CCDC148: variants seen among roughly 807,000 people sequenced by gnomAD.
CCDC148 encodes coiled-coil domain containing 148.
Under a neutral mutation model 85.7 loss-of-function variants are expected in CCDC148, and 89 were observed. That is an observed-to-expected ratio of 1.04 (90% CI 0.87 to 1.24). The LOEUF is 1.24. Among genes scored for constraint, CCDC148 ranks in the 50% most tolerant of loss-of-function variants. The pLI is 0.00. For synonymous variants in CCDC148, 230 were observed against 213.9 expected (o/e 1.08, Z -0.66); for missense variants, 692 against 671.7 (o/e 1.03, Z -0.33).
chr2:158,298,568 T>C (rs980954625), intron 9 of CCDC148, among the ~76,000 whole-genome samples: 6 of 152,200 alleles, frequency 3.9e-5, no homozygotes, highest in African/African-American at 9.6e-5. Flanking sequence ...TTTTTCTTTA[T>C]GTGCTTCAGG....
chr2:158,368,379 C>T (rs1684290355), intron 1 of CCDC148, among the ~76,000 whole-genome samples: 1 of 152,078 alleles, frequency 6.6e-6, no homozygotes, highest in South Asian at 2.1e-4. Flanking sequence ...AAGAAGTATA[C>T]ATCATCCAGG....
intron 11 of CCDC148, among the ~76,000 whole-genome samples, chr2:158,196,241 A>G (rs57861303): frequency 0.013 from 1,915 of 152,282 alleles, 45 homozygotes; most frequent in African/African-American, 0.043. Context: ...GTGTTTTACT[A>G]TTATCTATGC....
At chr2:158,199,470 C>G (rs1574385803) in intron 11 of CCDC148, among the ~76,000 whole-genome samples, 1 of 152,264 alleles carries the variant, frequency 6.6e-6, no homozygotes, top group Non-Finnish European at 1.5e-5. Flanking sequence ...GTCTCAAACT[C>G]CTGACATCAG....
intron 1 of CCDC148, among the ~76,000 whole-genome samples, chr2:158,429,852 C>T (rs1574806804): frequency 6.6e-6 from 1 of 152,114 alleles, no homozygotes; most frequent in Admixed American, 6.6e-5. Context: ...CTCATGATTG[C>T]CATGGCTTTC....
intron 10 of CCDC148, among the ~76,000 whole-genome samples, chr2:158,226,419 A>C (rs1178991420): frequency 2.6e-5 from 4 of 152,204 alleles, no homozygotes. Flanking sequence ...TATTCCAATC[A>C]ATAGAAAAAG....
At chr2:158,279,480 C>A (rs1031317752) in intron 9 of CCDC148, among the ~76,000 whole-genome samples, 3 of 152,096 alleles carry the variant, frequency 2.0e-5, no homozygotes, top group Admixed American at 2.0e-4. Flanking sequence ...GTGAAGAATG[C>A]AGAAGCCTCA....
At chr2:158,390,417 G>A (rs1685255592) in intron 1 of CCDC148, among the ~76,000 whole-genome samples, 1 of 152,152 alleles carries the variant, frequency 6.6e-6, no homozygotes, top group Non-Finnish European at 1.5e-5. Context: ...ATGATGCTGA[G>A]AAAGAACAGA....
chr2:158,365,349 A>C (rs1182701361), intron 1 of CCDC148, among the ~76,000 whole-genome samples: 2 of 152,234 alleles, frequency 1.3e-5, no homozygotes, highest in Non-Finnish European at 2.9e-5. Context: ...ATAAAGACAC[A>C]TGCACACATA....
At chr2:158,422,036 C>G (rs1275398503) in intron 1 of CCDC148, among the ~76,000 whole-genome samples, 1 of 151,998 alleles carries the variant, frequency 6.6e-6, no homozygotes, top group Non-Finnish European at 1.5e-5. Context: ...AAGACTAAAC[C>G]AGGGAGAAGT....
At chr2:158,400,747 A>T (rs1306894465) in intron 1 of CCDC148, among the ~76,000 whole-genome samples, 1 of 152,224 alleles carries the variant, frequency 6.6e-6, no homozygotes, top group Non-Finnish European at 1.5e-5. Context: ...ACAGCAAGAG[A>T]AACCATCATC....
chr2:158,192,711 T>C (rs1466844676), intron 11 of CCDC148, among the ~76,000 whole-genome samples: 2 of 151,916 alleles, frequency 1.3e-5, no homozygotes, highest in East Asian at 3.9e-4. Context: ...CCTGGCTCTC[T>C]CATGGGGCCT....
chr2:158,438,860 C>T lies in CCDC148; in HGVS notation c.25+17555G>A, dbSNP rs1574824389. Among the ~76,000 whole-genome samples, 4 of 151,822 alleles carry T rather than the reference C, an allele frequency of 2.6e-5. No individual in the cohort carries two copies. The South Asian group carries it at 8.3e-4, about 32-fold the overall frequency. On this transcript the variant is annotated intron_variant, in intron 1 of 13. Transcript: ENST00000283233. ...CAAAAGAAGACATTTATGCAGCCAA[C>T]AGACACATGAAAAAATGCTCATCAT...
chr2:158,223,173 C>A (rs565949608), intron 10 of CCDC148, among the ~76,000 whole-genome samples: 1 of 152,180 alleles, frequency 6.6e-6, no homozygotes, highest in African/African-American at 2.4e-5. Flanking sequence ...AGATCATATC[C>A]CTCGCCTGGC....
intron 1 of CCDC148, among the ~76,000 whole-genome samples, chr2:158,372,137 T>C (rs1445347256): frequency 6.6e-6 from 1 of 151,974 alleles, no homozygotes. Context: ...TCTCATGCCC[T>C]TACTCCCTCT....
chr2:158,269,324 A>T (rs1689601619), intron 9 of CCDC148, among the ~76,000 whole-genome samples: 1 of 151,992 alleles, frequency 6.6e-6, no homozygotes, highest in East Asian at 1.9e-4. Flanking sequence ...GCACATGTTC[A>T]TGTACCTGTT....
Position 158,242,633 on chromosome 2 carries a change from GT to G in CCDC148, c.1251+8138del, listed in dbSNP as rs370301211. ...TTCCACATCTGCTACCCACTCTGTA[GT>G]TTTTTTTTTTTTTTCTCCTTCCACC... On this transcript the variant is annotated intron_variant, in intron 10 of 13. Transcript: ENST00000283233. 1.0e-3 allele frequency among the ~76,000 whole-genome samples: 139 copies of G among 139,056 alleles called. 1 individual carries two copies. Among genetic ancestry groups the G allele is most frequent in the Middle Eastern group, 3.7e-3 (1 of 270 alleles). 91.2% of individuals were successfully genotyped at this position (139,056 alleles called of 152,430 possible).
chr2:158,393,295 A>C (rs1685392496), intron 1 of CCDC148: 2 of 152,134 alleles, frequency 1.3e-5, no homozygotes, highest in Admixed American at 6.6e-5. Flanking sequence ...TGTACTCTAC[A>C]TGAAGGAACT....
chr2:158,362,935 A>C (rs990902926), intron 1 of CCDC148, among the ~76,000 whole-genome samples: 14 of 152,332 alleles, frequency 9.2e-5, no homozygotes, highest in African/African-American at 3.4e-4. Context: ...CTAATAAAGA[A>C]GAAAAGAGAG....
chr2:158,314,201 T>C (rs1251800338), intron 7 of CCDC148, among the ~76,000 whole-genome samples: 1 of 152,160 alleles, frequency 6.6e-6, no homozygotes. Flanking sequence ...TCATGACCAA[T>C]GAATGAAATA....
Sources: allele counts gnomAD v4.1 joint callset (sites outside exome capture counted in the v4.1 genomes callset), GRCh38; gene constraint gnomAD v4.1.1; transcripts MANE v1.5; gene names NCBI Gene and HGNC (gene_info 2026-07-23, HGNC 2026-07-21).